NCKAP5: variants seen among roughly 807,000 people sequenced by gnomAD.
NCKAP5 encodes NCK associated protein 5.
NCKAP5 carries 92 observed loss-of-function variants against 167.0 expected under a neutral mutation model. That is an observed-to-expected ratio of 0.55 (90% CI 0.47 to 0.66). The LOEUF (loss-of-function observed/expected upper bound fraction) is 0.66, where lower values mean the gene tolerates loss of function less well. Among genes scored for constraint, NCKAP5 ranks in the 30% least tolerant of loss-of-function variants. NCKAP5 has a pLI of 0.00. For missense variants in NCKAP5, 2,378 were observed against 2,315.0 expected (o/e 1.03, Z -0.56); for synonymous variants, 891 against 877.4 (o/e 1.02, Z -0.27).
At chr2:132,840,239 T>C (rs1418715417) in intron 11 of NCKAP5, among the ~76,000 whole-genome samples, 1 of 151,134 alleles carries the variant, frequency 6.6e-6, no homozygotes, top group East Asian at 1.9e-4. Flanking sequence ...ATTGGAGAGA[T>C]GAAATGCTCA....
chr2:132,855,312 T>C (rs904617810), intron 11 of NCKAP5, among the ~76,000 whole-genome samples: 8 of 152,210 alleles, frequency 5.3e-5, no homozygotes, highest in African/African-American at 1.9e-4. Context: ...ACCACCAATG[T>C]CCTGTAACCA....
chr2:133,553,475 G>GGA (rs1407001094), intron 2 of NCKAP5, among the ~76,000 whole-genome samples: 2 of 152,188 alleles, frequency 1.3e-5, no homozygotes, highest in African/African-American at 4.8e-5. Flanking sequence ...TTTGGAAATA[G>GGA]GGGTTGAAAA....
chr2:133,367,853 GAAAC>G (rs1291744329), intron 3 of NCKAP5, among the ~76,000 whole-genome samples: 2 of 152,010 alleles, frequency 1.3e-5, no homozygotes, highest in African/African-American at 2.4e-5. Context: ...GAAAATTAAA[GAAAC>G]AAACAAACAA....
intron 3 of NCKAP5, among the ~76,000 whole-genome samples, chr2:133,477,006 C>T (rs1348883489): frequency 6.6e-6 from 1 of 152,228 alleles, no homozygotes; most frequent in Non-Finnish European, 1.5e-5. Context: ...AGAGGTCTGG[C>T]TCTGAACAAC....
the NCKAP5 span, among the ~76,000 whole-genome samples, chr2:133,605,748 C>T: frequency 6.6e-6 from 1 of 152,110 alleles, no homozygotes. Flanking sequence ...GCATCTTATT[C>T]CTTGAAAAAA....
chr2:133,474,095 T>G (rs1679603832), intron 3 of NCKAP5, among the ~76,000 whole-genome samples: 2 of 148,208 alleles, frequency 1.3e-5, no homozygotes, highest in African/African-American at 2.5e-5. Context: ...AACAGATGAA[T>G]GGATAAAGAA....
chr2:133,313,884 C>T (rs569696259), intron 3 of NCKAP5, among the ~76,000 whole-genome samples: 1 of 152,294 alleles, frequency 6.6e-6, no homozygotes, highest in East Asian at 1.9e-4. Flanking sequence ...AGCTACTCTA[C>T]ATGAAAGAAT....
chr2:132,947,834 T>C (rs547354379), intron 8 of NCKAP5, among the ~76,000 whole-genome samples: 1 of 152,302 alleles, frequency 6.6e-6, no homozygotes, highest in African/African-American at 2.4e-5. Flanking sequence ...GGTTTCATTG[T>C]CACCTGCCCC....
At chr2:133,035,795 C>G (rs1397226886) in intron 6 of NCKAP5, among the ~76,000 whole-genome samples, 2 of 151,160 alleles carry the variant, frequency 1.3e-5, no homozygotes, top group African/African-American at 4.9e-5. Flanking sequence ...CAAGAACAAA[C>G]CAAACTAAAA....
At chr2:133,117,489 T>G (rs961345198) in intron 6 of NCKAP5, 2 of 152,222 alleles carry the variant, frequency 1.3e-5, no homozygotes, top group Non-Finnish European at 2.9e-5. Flanking sequence ...ACAGCCTTAC[T>G]ACCCCACTAC....
In NCKAP5 at chr2:132,804,874, G is replaced by A. The variant is rs541839175; in HGVS notation, c.808-8145C>T. ...AGAGCCAGGATTCTGTCCCAGACCT[G>A]CTTCCTTCTAAGTCCAAGCTCTTCC... On this transcript the variant is annotated intron_variant, in intron 11 of 19. Transcript: ENST00000409261. Among the ~76,000 whole-genome samples, 18 of 151,940 alleles carry A rather than the reference G, an allele frequency of 1.2e-4. No individual in the cohort carries two copies. The South Asian group carries it at 2.5e-3, about 21-fold the overall frequency.
chr2:132,958,697 G>A (rs1452568348), intron 8 of NCKAP5, among the ~76,000 whole-genome samples: 2 of 151,996 alleles, frequency 1.3e-5, no homozygotes, highest in African/African-American at 4.8e-5. Context: ...GCATCTTCAG[G>A]TGGCCTTTCA....
chr2:132,848,184 T>G (rs1321332871), intron 11 of NCKAP5, among the ~76,000 whole-genome samples: 1 of 152,134 alleles, frequency 6.6e-6, no homozygotes, highest in Non-Finnish European at 1.5e-5. Context: ...TCCACCCAGA[T>G]GCAAAAAGGG....
chr2:132,822,936 G>A (rs1016856254), intron 11 of NCKAP5, among the ~76,000 whole-genome samples: 5 of 152,130 alleles, frequency 3.3e-5, no homozygotes, highest in Non-Finnish European at 5.9e-5. Context: ...AATAGACTAG[G>A]ATAAGTAGAA....
intron 5 of NCKAP5, among the ~76,000 whole-genome samples, chr2:133,137,193 G>A (rs2082818159): frequency 6.6e-6 from 1 of 152,058 alleles, no homozygotes. Flanking sequence ...CATTAGTTAT[G>A]AAAGATTTGG....
At chr2:132,805,372 T>C (rs920809233) in intron 11 of NCKAP5, among the ~76,000 whole-genome samples, 1 of 152,184 alleles carries the variant, frequency 6.6e-6, no homozygotes, top group Non-Finnish European at 1.5e-5. Flanking sequence ...AATGATGATT[T>C]GTTATAGACA....
chr2:132,837,581 T>C (rs181504485), intron 11 of NCKAP5, among the ~76,000 whole-genome samples: 65 of 152,228 alleles, frequency 4.3e-4, no homozygotes, highest in African/African-American at 1.5e-3. Flanking sequence ...ATTTTTCTTA[T>C]GTTTTTTCAA....
Position 133,214,117 on chromosome 2 carries a change from C to T in NCKAP5, c.144-338G>A, listed in dbSNP as rs574711760. ...CTTTTCTCTATCAACTTTGCTTAAG[C>T]ATTTTTAATTATTTTTATTTCTTTT... On this transcript the variant is annotated intron_variant, in intron 4 of 19. Coordinates refer to ENST00000409261, the MANE Select transcript of NCKAP5 (RefSeq NM_207363.3). Among the ~76,000 whole-genome samples the T allele has an allele frequency of 7.9e-5, 12 of 152,276 alleles. No individual in the cohort carries two copies. The South Asian group carries it at 2.5e-3, about 32-fold the overall frequency.
intron 6 of NCKAP5, among the ~76,000 whole-genome samples, chr2:133,093,050 A>C (rs112752840): frequency 0.015 from 2,237 of 152,308 alleles, 65 homozygotes; most frequent in African/African-American, 0.05. Flanking sequence ...TAAAATGGAA[A>C]TAATAATAAT....
Sources: allele counts gnomAD v4.1 joint callset (sites outside exome capture counted in the v4.1 genomes callset), GRCh38; gene constraint gnomAD v4.1.1; transcripts MANE v1.5; gene names NCBI Gene and HGNC (gene_info 2026-07-23, HGNC 2026-07-21).